Variants in CDK14 observed in about 807,000 individuals in gnomAD.
The protein encoded by CDK14 is cyclin-dependent kinase 14.
In CDK14, 34 loss-of-function variants were observed where a neutral mutation model predicts 60.7. That is an observed-to-expected ratio of 0.56 (90% confidence interval 0.43 to 0.75). The LOEUF (loss-of-function observed/expected upper bound fraction) is 0.75, where lower values mean the gene tolerates loss of function less well. Ranked by LOEUF, CDK14 falls within the 30% of genes least tolerant of loss-of-function variation. The probability of loss-of-function intolerance (pLI) is 0.00; values close to 1 mark genes in which losing one functional copy is unlikely to be tolerated. For missense variants in CDK14, 482 were observed against 564.1 expected (o/e 0.85, Z 1.47); for synonymous variants, 197 against 203.7 (o/e 0.97, Z 0.28).
intron 4 of CDK14, among the ~76,000 whole-genome samples, chr7:90,749,932 A>G (rs1472379424): frequency 6.6e-6 from 1 of 152,168 alleles, no homozygotes; most frequent in Non-Finnish European, 1.5e-5. Context: ...AACAGAGAGC[A>G]TCTCCCCATA....
intron 14 of CDK14, among the ~76,000 whole-genome samples, chr7:91,171,710 G>A (rs1000404709): frequency 3.3e-5 from 5 of 152,064 alleles, no homozygotes; most frequent in African/African-American, 4.8e-5. Flanking sequence ...GCAGTGGCAT[G>A]ATCTCAGCTC....
chr7:90,767,138 A>T (rs1804598877), intron 4 of CDK14, among the ~76,000 whole-genome samples: 1 of 152,332 alleles, frequency 6.6e-6, no homozygotes, highest in East Asian at 1.9e-4. Flanking sequence ...CAGCAGGGCA[A>T]TTATACCTTT....
At chr7:90,805,917 A>G (rs972102626) in intron 5 of CDK14, among the ~76,000 whole-genome samples, 2 of 152,236 alleles carry the variant, frequency 1.3e-5, no homozygotes, top group African/African-American at 4.8e-5. Context: ...ACAGGGATCA[A>G]GACAGTATGT....
intron 8 of CDK14, among the ~76,000 whole-genome samples, chr7:90,953,781 A>G (rs1562843195): frequency 6.6e-6 from 1 of 152,172 alleles, no homozygotes; most frequent in Non-Finnish European, 1.5e-5. Flanking sequence ...AGCATATGGA[A>G]CAAGTCAGAA....
chr7:90,909,654 C>T (rs1390641455), intron 7 of CDK14, among the ~76,000 whole-genome samples: 1 of 152,040 alleles, frequency 6.6e-6, no homozygotes, highest in Admixed American at 6.6e-5. Flanking sequence ...GCTTGGTATC[C>T]ACCATTGCCT....
At position 91,079,494 on chromosome 7, in the gene CDK14, C is replaced by A; in HGVS notation, c.1154+14C>A. 6.4e-7 allele frequency: 1 copy of A among 1,561,908 alleles called. No individual in the cohort carries two copies. The highest frequency in any genetic ancestry group is 8.8e-7 in the Non-Finnish European group (1 of 1,133,514). On this transcript the variant is annotated intron_variant, in intron 12 of 14. Coordinates refer to ENST00000380050, the MANE Select transcript of CDK14 (RefSeq NM_001287135.2). The stretch of plus-strand genomic sequence containing the variant: ...AGCATGGAATAAGTAAGTCTTTATA[C>A]AGATTGTGCTCATTCTCTTTCTTTC...
chr7:90,902,514 T>C (rs1405207397), intron 7 of CDK14, among the ~76,000 whole-genome samples: 1 of 152,000 alleles, frequency 6.6e-6, no homozygotes, highest in Non-Finnish European at 1.5e-5. Flanking sequence ...GAAATAACAT[T>C]CTCTTCAATA....
chr7:90,979,104 A>C (rs991759387), intron 9 of CDK14, among the ~76,000 whole-genome samples: 1 of 152,148 alleles, frequency 6.6e-6, no homozygotes, highest in Non-Finnish European at 1.5e-5. Context: ...GCAGCCATAC[A>C]TGGTACCTAA....
intron 8 of CDK14, among the ~76,000 whole-genome samples, chr7:90,929,636 A>G (rs1440563831): frequency 6.6e-6 from 1 of 152,232 alleles, no homozygotes; most frequent in Non-Finnish European, 1.5e-5. Flanking sequence ...TATTCATGCC[A>G]TGCTTTGAGA....
At chr7:91,028,569 C>T (rs556451486) in intron 10 of CDK14, among the ~76,000 whole-genome samples, 1 of 152,300 alleles carries the variant, frequency 6.6e-6, no homozygotes, top group South Asian at 2.1e-4. Context: ...GTTCCCTTTT[C>T]ACCCCATTCA....
At chr7:90,618,546 C>A (rs1042767276) in intron 2 of CDK14, among the ~76,000 whole-genome samples, 1 of 152,128 alleles carries the variant, frequency 6.6e-6, no homozygotes, top group Non-Finnish European at 1.5e-5. Context: ...CTTTTGGTTG[C>A]TTTTGCCATC....
intron 10 of CDK14, among the ~76,000 whole-genome samples, chr7:91,028,498 T>C (rs1796668056): frequency 1.3e-5 from 2 of 152,318 alleles, no homozygotes; most frequent in African/African-American, 4.8e-5. Flanking sequence ...CCTTAAGAAA[T>C]CTCTATACTG....
At chr7:90,644,864 G>A (rs942467992) in intron 2 of CDK14, among the ~76,000 whole-genome samples, 6 of 152,144 alleles carry the variant, frequency 3.9e-5, no homozygotes, top group African/African-American at 1.2e-4. Flanking sequence ...ACTAAAAAAT[G>A]TAATGAGAAT....
chr7:90,792,295 C>T (rs1584897185), intron 5 of CDK14, among the ~76,000 whole-genome samples: 1 of 151,814 alleles, frequency 6.6e-6, no homozygotes, highest in Admixed American at 6.6e-5. Context: ...CCTACACATG[C>T]ATCTCTTTAG....
intron 5 of CDK14, among the ~76,000 whole-genome samples, chr7:90,806,447 G>A (rs973568985): frequency 1.3e-5 from 2 of 152,176 alleles, no homozygotes; most frequent in Admixed American, 6.5e-5. Flanking sequence ...TTTTAAATGG[G>A]GAATTTATTT....
intron 5 of CDK14, among the ~76,000 whole-genome samples, chr7:90,841,145 G>A (rs931197542): frequency 6.6e-6 from 1 of 151,926 alleles, no homozygotes; most frequent in African/African-American, 2.4e-5. Flanking sequence ...CATAATCAGG[G>A]TAAAAAAAAG....
chr7:90,695,911 C>G (rs1454276087), intron 2 of CDK14, among the ~76,000 whole-genome samples: 2 of 152,118 alleles, frequency 1.3e-5, no homozygotes, highest in Non-Finnish European at 2.9e-5. Flanking sequence ...TAGCAATTTA[C>G]TCCAAGTCAG....
chr7:91,098,267 C>T (rs946936771), intron 12 of CDK14, among the ~76,000 whole-genome samples: 4 of 152,132 alleles, frequency 2.6e-5, no homozygotes, highest in African/African-American at 7.2e-5. Flanking sequence ...CCATGACCTC[C>T]GACCTAACTG....
At chr7:90,658,276 C>T (rs1202493838) in intron 2 of CDK14, among the ~76,000 whole-genome samples, 1 of 152,112 alleles carries the variant, frequency 6.6e-6, no homozygotes, top group Admixed American at 6.5e-5. Context: ...TCTCATAGTC[C>T]TGGAGGCTGA....
Sources: allele counts gnomAD v4.1 joint callset (sites outside exome capture counted in the v4.1 genomes callset), GRCh38; gene constraint gnomAD v4.1.1; transcripts MANE v1.5; gene names NCBI Gene and HGNC (gene_info 2026-07-23, HGNC 2026-07-21).